NR2C2: variants seen among roughly 807,000 people sequenced by gnomAD.
NR2C2 encodes nuclear receptor subfamily 2 group C member 2, also known as Nuclear hormone receptor TR4.
In NR2C2, 6 loss-of-function variants were observed where a neutral mutation model predicts 62.9. That is an observed-to-expected ratio of 0.10 (90% CI 0.05 to 0.19). The LOEUF is 0.19. Among genes scored for constraint, NR2C2 ranks in the 10% least tolerant of loss-of-function variants. The pLI is 1.00. For synonymous variants in NR2C2, 272 were observed against 273.8 expected (o/e 0.99, Z 0.07); for missense variants, 479 against 762.7 (o/e 0.63, Z 4.38).
chr3:15,027,362 T>C (rs1361701029), intron 7 of NR2C2, among the ~76,000 whole-genome samples: 1 of 152,220 alleles, frequency 6.6e-6, no homozygotes, highest in Non-Finnish European at 1.5e-5. Flanking sequence ...TGATGGACAT[T>C]TGTGTTGTAC....
intron 1 of NR2C2, among the ~76,000 whole-genome samples, chr3:15,002,199 G>A (rs940793208): frequency 6.6e-6 from 1 of 152,142 alleles, no homozygotes; most frequent in African/African-American, 2.4e-5. Context: ...TAAGTATACT[G>A]TATAGCTGTG....
chr3:15,014,727 A>T (rs2041457711), intron 3 of NR2C2, among the ~76,000 whole-genome samples: 1 of 152,150 alleles, frequency 6.6e-6, no homozygotes, highest in Admixed American at 6.5e-5. Context: ...GGTACCTCAT[A>T]TAAGTGAAAT....
intron 1 of NR2C2, among the ~76,000 whole-genome samples, chr3:14,991,944 A>T (rs1559550310): frequency 6.6e-6 from 1 of 151,220 alleles, no homozygotes; most frequent in Non-Finnish European, 1.5e-5. Flanking sequence ...TAATGTTTTT[A>T]ATTTTTAGTA....
intron 1 of NR2C2, among the ~76,000 whole-genome samples, chr3:14,999,080 G>A (rs2124898444): frequency 6.6e-6 from 1 of 152,294 alleles, no homozygotes; most frequent in East Asian, 1.9e-4. Context: ...ACTTTGGGAG[G>A]CCCAGGCGGG....
At chr3:14,965,963 C>T (rs940008247) in intron 1 of NR2C2, among the ~76,000 whole-genome samples, 1 of 152,212 alleles carries the variant, frequency 6.6e-6, no homozygotes, top group African/African-American at 2.4e-5. Flanking sequence ...GCCACCATGC[C>T]TGGCCCCTTA....
chr3:15,007,502 T>C (rs2041219799), intron 2 of NR2C2, among the ~76,000 whole-genome samples: 1 of 152,210 alleles, frequency 6.6e-6, no homozygotes, highest in African/African-American at 2.4e-5. Context: ...CCTCATAACA[T>C]GTACCATAAA....
At chr3:14,972,349 A>G (rs943989117) in intron 1 of NR2C2, among the ~76,000 whole-genome samples, 2 of 151,562 alleles carry the variant, frequency 1.3e-5, no homozygotes, top group South Asian at 4.2e-4. Context: ...TAATTTTTGT[A>G]TTTTTAGTAG....
At position 15,048,897 on chromosome 3, in the gene NR2C2, A is replaced by AT. The variant is rs2042550367; in HGVS notation, c.*5893dup. ...TATCAAAGGAAAATTTGGGTGTTAG[A>AT]TTTTCTTGGGACCGTTTCTGTAACC... is the stretch of plus-strand genomic sequence containing the variant. On this transcript the variant is annotated 3_prime_UTR_variant, in exon 14 of 14. Coordinates refer to ENST00000425241, the MANE Select transcript of NR2C2 (RefSeq NM_001291694.2). 6.6e-6 allele frequency: 1 copy of AT among 152,590 alleles called. No homozygotes were observed. Among genetic ancestry groups the AT allele is most frequent in the Admixed American group, 6.5e-5 (1 of 15,276 alleles). 9.5% of individuals were successfully genotyped at this position (152,590 alleles called of 1,614,324 possible).
At chr3:15,036,847 T>C (rs1306772473) in intron 11 of NR2C2, among the ~76,000 whole-genome samples, 1 of 152,170 alleles carries the variant, frequency 6.6e-6, no homozygotes, top group Non-Finnish European at 1.5e-5. Context: ...ACAGGCTGGG[T>C]GTGGTGGCTT....
rs918042167 is a variant in NR2C2, at chr3:15,044,636, C to G, written c.*1628C>G. On this transcript the variant is annotated 3_prime_UTR_variant, in exon 14 of 14. Transcript: ENST00000425241. ...ACACCCTGTTGGGTTAAATTTGCCT[C>G]TCTTGATTTGTTAATCAGATGATAT... 1 of 152,236 alleles carries G rather than the reference C, an allele frequency of 6.6e-6. No individual in the cohort carries two copies. Among genetic ancestry groups the G allele is most frequent in the Non-Finnish European group, 1.5e-5 (1 of 68,050 alleles). 9.4% of individuals were successfully genotyped at this position (152,236 alleles called of 1,614,324 possible).
Position 14,951,184 on chromosome 3 carries a change from A to G in NR2C2, c.-40+3278A>G, listed in dbSNP as rs560816541. ...ATTCTGATTTTTGTCTCACCATCAC[A>G]GGGGATTGGAGAGAAGGAACAAGCC... On this transcript the variant is annotated intron_variant, in intron 1 of 13. Transcript: ENST00000425241. Among the ~76,000 whole-genome samples, 4 of 152,316 alleles carry G rather than the reference A, an allele frequency of 2.6e-5. No individual in the cohort carries two copies. The East Asian group carries it at 7.7e-4, about 29-fold the overall frequency.
At chr3:14,958,474 C>T (rs2039591112) in intron 1 of NR2C2, among the ~76,000 whole-genome samples, 1 of 152,090 alleles carries the variant, frequency 6.6e-6, no homozygotes, top group Admixed American at 6.6e-5. Context: ...AAGTACTAGC[C>T]TTTAGGACTC....
chr3:14,971,403 C>T (rs2040036870), intron 1 of NR2C2, among the ~76,000 whole-genome samples: 1 of 151,728 alleles, frequency 6.6e-6, no homozygotes, highest in African/African-American at 2.4e-5. Context: ...CAGGCATAAG[C>T]CACCGTGCCT....
intron 2 of NR2C2, among the ~76,000 whole-genome samples, chr3:15,007,188 C>A (rs371229995): frequency 1.4e-5 from 2 of 146,158 alleles, no homozygotes; most frequent in African/African-American, 2.5e-5. Context: ...AGTGTAGTGG[C>A]GCGATCTTGG....
chr3:14,989,404 G>C (rs569324526), intron 1 of NR2C2, among the ~76,000 whole-genome samples: 7 of 152,268 alleles, frequency 4.6e-5, no homozygotes, highest in African/African-American at 1.7e-4. Context: ...AATGAGCCCA[G>C]TTTTGTTGTT....
chr3:15,044,662 C>T lies in NR2C2; in HGVS notation c.*1654C>T, dbSNP rs868216358. The T allele has an allele frequency of 4.6e-5, 7 of 152,226 alleles. No homozygotes were observed. Among genetic ancestry groups the T allele is most frequent in the South Asian group, 2.1e-4 (1 of 4,832 alleles). 9.4% of individuals were successfully genotyped at this position (152,226 alleles called of 1,614,324 possible). A position where few individuals can be genotyped will look rare whatever the true frequency, so the allele number is the denominator to read the frequency against. Reference sequence around the variant, plus strand: ...TCTTGATTTGTTAATCAGATGATATCCAAAAAGATCCCTGGACACTCCCCT... The same window carrying T: ...TCTTGATTTGTTAATCAGATGATATTCAAAAAGATCCCTGGACACTCCCCT... On this transcript the variant is annotated 3_prime_UTR_variant, in exon 14 of 14. Coordinates refer to ENST00000425241, the MANE Select transcript of NR2C2 (RefSeq NM_001291694.2).
At chr3:15,000,696 A>T (rs2040964094) in intron 1 of NR2C2, among the ~76,000 whole-genome samples, 1 of 152,098 alleles carries the variant, frequency 6.6e-6, no homozygotes, top group Non-Finnish European at 1.5e-5. Context: ...TCATTTTGTC[A>T]ATTTATGCAA....
At position 15,044,966 on chromosome 3, in the gene NR2C2, G is replaced by T. The variant is rs913827927; in HGVS notation, c.*1958G>T. ...TCTTGCCTTGGCAGCAAATTTTGGA[G>T]AGTAGTGGGAGTGGCCATTATAAAA... On this transcript the variant is annotated 3_prime_UTR_variant, in exon 14 of 14. Coordinates refer to ENST00000425241, the MANE Select transcript of NR2C2 (RefSeq NM_001291694.2). 2.0e-5 allele frequency: 3 copies of T among 152,254 alleles called. No homozygotes were observed. Among genetic ancestry groups the T allele is most frequent in the Non-Finnish European group, 4.4e-5 (3 of 68,044 alleles). The allele number at this position is 152,254 out of a possible 1,614,324, so 9.4% of individuals were successfully genotyped here.
intron 1 of NR2C2, among the ~76,000 whole-genome samples, chr3:14,964,076 C>T (rs865943466): frequency 1.1e-4 from 16 of 152,294 alleles, no homozygotes; most frequent in African/African-American, 3.8e-4. Context: ...TTAACGTTAT[C>T]AGTGGGTTCT....
Sources: allele counts gnomAD v4.1 joint callset (sites outside exome capture counted in the v4.1 genomes callset), GRCh38; gene constraint gnomAD v4.1.1; transcripts MANE v1.5; gene names NCBI Gene and HGNC (gene_info 2026-07-23, HGNC 2026-07-21).